Variants in AADAC observed in about 807,000 individuals in gnomAD.
AADAC encodes arylacetamide deacetylase.
A neutral mutation model predicts 22.7 loss-of-function variants in AADAC; 17 were observed. The observed-to-expected ratio is 0.75, with a 90% CI of 0.51 to 1.12. AADAC has a LOEUF of 1.12. AADAC is among the 50% of genes most tolerant of loss of function. The pLI, the probability that AADAC is intolerant of heterozygous loss-of-function variation, is 0.00. For missense variants in AADAC, 465 were observed against 473.9 expected (o/e 0.98, Z 0.17); for synonymous variants, 167 against 176.3 (o/e 0.95, Z 0.42).
At chr3:151,820,514 T>TTA in intron 3 of AADAC, 62 bp downstream of exon 3, 498 of 1,036,494 alleles carry the variant, frequency 4.8e-4, no homozygotes, top group Non-Finnish European at 6.0e-4. Flanking sequence ...TTTCTCAGCT[T>TTA]TCTTTTTTTT....
Position 151,825,957 on chromosome 3 carries a change from C to T in AADAC, c.603+1123C>T, listed in dbSNP as rs1716474730. Among the ~76,000 whole-genome samples the T allele has an allele frequency of 4.0e-5, 6 of 151,732 alleles. 1 individual carries two copies. In the South Asian group the frequency reaches 1.2e-3, roughly 32 times the overall value. ...CATCTGGTAGCTCAGAACTGCAATC[C>T]CAGCACTCTGGGATTATGTAGAAGT... is the stretch of plus-strand genomic sequence containing the variant. On this transcript the variant is annotated intron_variant, in intron 4 of 4. Coordinates refer to ENST00000232892, the MANE Select transcript of AADAC (RefSeq NM_001086.3).
chr3:151,821,198 C>T (rs76841323), intron 3 of AADAC, among the ~76,000 whole-genome samples: 9,881 of 151,756 alleles, frequency 0.065, 511 homozygotes, highest in Non-Finnish European at 0.093. Context: ...CAGAGTCCAG[C>T]GTATATAGCA....
At chr3:151,821,332 A>C (rs1716247725) in intron 3 of AADAC, among the ~76,000 whole-genome samples, 1 of 152,056 alleles carries the variant, frequency 6.6e-6, no homozygotes, top group African/African-American at 2.4e-5. Flanking sequence ...AATTAAACAA[A>C]ATAGATGAGT....
At position 151,817,487 on chromosome 3, in the gene AADAC, A is replaced by G; in HGVS notation, c.260A>G (p.Asn87Ser). 3 of 1,613,834 alleles carry G rather than the reference A, an allele frequency of 1.9e-6. No homozygotes were observed. The highest frequency in any genetic ancestry group is 1.6e-4 in the Middle Eastern group (1 of 6,062). ...ENVTVTETKF[N>S]NILVRVYVPK... ...GTCACTGTGACTGAGACAAAATTCA[A>G]CAACATTCTTGTTCGGGTATATGTG... Residue 87 changes from asparagine (N) to serine (S), a missense_variant, in exon 2 of 5, where the codon AAC becomes AGC. Physicochemically the swap from Asn to Ser is conservative, Grantham distance 46 (BLOSUM62 1). Transcript: ENST00000232892.
chr3:151,821,207 C>A (rs1257383752), intron 3 of AADAC, among the ~76,000 whole-genome samples: 1 of 151,814 alleles, frequency 6.6e-6, no homozygotes, highest in Non-Finnish European at 1.5e-5. Flanking sequence ...GCGTATATAG[C>A]ACTTGGTGAG....
chr3:151,814,412 A>T lies in AADAC; in HGVS notation c.138+112A>T. ...TTTATTGACTTATTCATCTTTTAAA[A>T]TAACTGCTGTGGCCTTTGACAATGT... On this transcript the variant is annotated intron_variant, in intron 1 of 4. Coordinates refer to ENST00000232892, the MANE Select transcript of AADAC (RefSeq NM_001086.3). 2.6e-6 allele frequency: 3 copies of T among 1,141,768 alleles called. No individual in the cohort carries two copies. In the South Asian group the frequency reaches 5.2e-5, roughly 20 times the overall value. The allele number at this position is 1,141,768 out of a possible 1,614,324, so 70.7% of individuals were successfully genotyped here. A position where few individuals can be genotyped will look rare whatever the true frequency, so the allele number is the denominator to read the frequency against.
chr3:151,820,515 T>G (rs531837886), intron 3 of AADAC, 63 bp downstream of exon 3: 1 of 1,030,832 alleles, frequency 9.7e-7, no homozygotes, highest in Admixed American at 3.6e-5. Context: ...TTCTCAGCTT[T>G]CTTTTTTTTT....
chr3:151,821,985 T>C (rs1223206545), intron 3 of AADAC, among the ~76,000 whole-genome samples: 1 of 151,896 alleles, frequency 6.6e-6, no homozygotes, highest in Non-Finnish European at 1.5e-5. Flanking sequence ...AATCTCATTT[T>C]ATTTATATTA....
intron 3 of AADAC, among the ~76,000 whole-genome samples, chr3:151,823,476 A>C (rs1396328758): frequency 6.6e-6 from 1 of 151,966 alleles, no homozygotes; most frequent in Non-Finnish European, 1.5e-5. Context: ...TCAGAAAGAC[A>C]ATTTACAGAA....
intron 3 of AADAC, among the ~76,000 whole-genome samples, chr3:151,822,191 G>C (rs1576643742): frequency 6.6e-6 from 1 of 152,042 alleles, no homozygotes; most frequent in East Asian, 1.9e-4. Flanking sequence ...ACAAGCGTTA[G>C]TGGGGACATG....
Position 151,828,241 on chromosome 3 carries a change from T to C in AADAC, c.*69T>C. 1 of 1,090,172 alleles carries C rather than the reference T, an allele frequency of 9.2e-7. No individual in the cohort carries two copies. Among genetic ancestry groups the C allele is most frequent in the Non-Finnish European group, 1.3e-6 (1 of 794,544 alleles). 67.5% of individuals were successfully genotyped at this position (1,090,172 alleles called of 1,614,324 possible). ...ACCTCAGAAAATTTGCATTAGAAAT[T>C]GGTCTTTCTTAGAATGGTCTAGTTA... On this transcript the variant is annotated 3_prime_UTR_variant, in exon 5 of 5. Coordinates refer to ENST00000232892, the MANE Select transcript of AADAC (RefSeq NM_001086.3).
At position 151,824,767 on chromosome 3, in the gene AADAC, A is replaced by G; in HGVS notation, c.536A>G (p.Asn179Ser). Residue 179 changes from asparagine (N) to serine (S), a missense_variant, in exon 4 of 5, where the codon AAC (asparagine) becomes AGC (serine). Coordinates refer to ENST00000232892, the MANE Select transcript of AADAC (RefSeq NM_001086.3). ...RKKVLAKYGV[N>S]PERIGISGDS... The stretch of plus-strand genomic sequence containing the variant: ...AAAGTTCTTGCAAAATATGGTGTGA[A>G]CCCTGAGAGAATCGGTATTTCTGGA... The G allele has an allele frequency of 6.2e-7, 1 of 1,607,772 alleles. No homozygotes were observed. The highest frequency in any genetic ancestry group is 8.5e-7 in the Non-Finnish European group (1 of 1,176,912).
intron 1 of AADAC, among the ~76,000 whole-genome samples, chr3:151,816,430 A>G (rs75801299): frequency 0.018 from 2,741 of 152,198 alleles, 64 homozygotes; most frequent in Non-Finnish European, 0.027. Flanking sequence ...GTTCGCTCCC[A>G]AAGTACTTTG....
Position 151,816,522 on chromosome 3 carries a change from A to C in AADAC, c.139-844A>C, listed in dbSNP as rs1231597535. 2.6e-5 allele frequency among the ~76,000 whole-genome samples: 4 copies of C among 151,996 alleles called. 1 individual carries two copies. The highest frequency in any genetic ancestry group is 5.9e-5 in the Non-Finnish European group (4 of 67,964). On this transcript the variant is annotated intron_variant, in intron 1 of 4. Transcript: ENST00000232892. ...ACTTAACTCTGAGATTCTTGAGAAG[A>C]GCATTTGTCTGGTTCATCTCTGAAA...
chr3:151,820,012 A>G (rs1293499482), intron 2 of AADAC, among the ~76,000 whole-genome samples: 1 of 152,082 alleles, frequency 6.6e-6, no homozygotes, highest in South Asian at 2.1e-4. Context: ...GTATTGATCA[A>G]GTTAGCGACT....
At chr3:151,827,232 T>G (rs984018914) in intron 4 of AADAC, among the ~76,000 whole-genome samples, 3 of 151,972 alleles carry the variant, frequency 2.0e-5, no homozygotes, top group Non-Finnish European at 4.4e-5. Context: ...AACTCTTACA[T>G]GAACAGAAGA....
chr3:151,814,336 C>T (rs1452732526), intron 1 of AADAC, 36 bp downstream of exon 1: 2 of 1,573,850 alleles, frequency 1.3e-6, no homozygotes, highest in Non-Finnish European at 1.7e-6. Flanking sequence ...GATGTGCATA[C>T]ACCACCATTT....
intron 3 of AADAC, among the ~76,000 whole-genome samples, chr3:151,822,646 T>C (rs1348574779): frequency 1.3e-5 from 2 of 152,158 alleles, no homozygotes; most frequent in East Asian, 3.9e-4. Flanking sequence ...ATGGAAAGTT[T>C]TGTGATTCCA....
chr3:151,814,335 A>G, intron 1 of AADAC, 35 bp downstream of exon 1: 1 of 1,576,978 alleles, frequency 6.3e-7, no homozygotes. Flanking sequence ...AGATGTGCAT[A>G]CACCACCATT....
Sources: gnomAD v4.1 joint callset for allele counts (sites outside exome capture counted in the v4.1 genomes callset) on GRCh38, gnomAD v4.1.1 for gene constraint, MANE v1.5 for transcripts, NCBI Gene and HGNC (gene_info 2026-07-23, HGNC 2026-07-21) for gene names.